The following RBFOX1 variants were observed in gnomAD, a reference collection of about 807,000 sequenced individuals.
The protein encoded by RBFOX1 is RNA binding fox-1 homolog 1.
A neutral mutation model predicts 57.7 loss-of-function variants in RBFOX1; 8 were observed. That is an observed-to-expected ratio of 0.14 (90% CI 0.08 to 0.25). The LOEUF (loss-of-function observed/expected upper bound fraction) is 0.25, where lower values mean the gene tolerates loss of function less well. Among genes scored for constraint, RBFOX1 ranks in the 10% least tolerant of loss-of-function variants. The pLI is 1.00. For missense variants in RBFOX1, 611 were observed against 548.5 expected (o/e 1.11, Z -1.14); for synonymous variants, 326 against 222.4 (o/e 1.47, Z -4.15).
chr16:7,285,598 A>G (rs1028161295), intron 4 of RBFOX1, among the ~76,000 whole-genome samples: 19 of 151,696 alleles, frequency 1.3e-4, no homozygotes, highest in Admixed American at 1.3e-4. Context: ...CTCTATTTAT[A>G]AGCTTGGACA....
At chr16:5,966,830 CA>C (rs2059853043) in intron 4 of RBFOX1, among the ~76,000 whole-genome samples, 1 of 152,024 alleles carries the variant, frequency 6.6e-6, no homozygotes, top group Admixed American at 6.6e-5. Flanking sequence ...AGATCCAAAC[CA>C]TATCAGCAGC....
intron 1 of RBFOX1, among the ~76,000 whole-genome samples, chr16:6,132,823 C>G (rs12930484): frequency 0.074 from 11,228 of 151,968 alleles, 489 homozygotes; most frequent in African/African-American, 0.1. Context: ...CCTGTCTCTA[C>G]TAAAAATACC....
At chr16:7,395,216 A>G (rs773599816) in intron 4 of RBFOX1, among the ~76,000 whole-genome samples, 2 of 150,872 alleles carry the variant, frequency 1.3e-5, no homozygotes, top group African/African-American at 4.9e-5. Context: ...ATCTATGTAG[A>G]TGCATTGTTC....
chr16:5,744,413 T>G (rs189063340), intron 3 of RBFOX1, among the ~76,000 whole-genome samples: 30 of 152,312 alleles, frequency 2.0e-4, no homozygotes, highest in Admixed American at 1.7e-3. Context: ...AGATTCTTCT[T>G]AGGCAGAATC....
chr16:5,647,905 C>T (rs926699066), intron 3 of RBFOX1, among the ~76,000 whole-genome samples: 1 of 152,044 alleles, frequency 6.6e-6, no homozygotes, highest in Non-Finnish European at 1.5e-5. Context: ...TGTCACTCAG[C>T]CTGAAGTGCA....
intron 4 of RBFOX1, among the ~76,000 whole-genome samples, chr16:7,375,320 A>G (rs1160049731): frequency 6.6e-6 from 1 of 152,190 alleles, no homozygotes; most frequent in Non-Finnish European, 1.5e-5. Flanking sequence ...AAGGTAATAC[A>G]AGTCTAATGT....
At chr16:6,123,724 G>A (rs2096568324) in intron 1 of RBFOX1, among the ~76,000 whole-genome samples, 1 of 152,054 alleles carries the variant, frequency 6.6e-6, no homozygotes, top group African/African-American at 2.4e-5. Context: ...GGGCAACATG[G>A]CAAAATCCCG....
chr16:5,373,389 T>C (rs1296800618), intron 1 of RBFOX1, among the ~76,000 whole-genome samples: 1 of 152,110 alleles, frequency 6.6e-6, no homozygotes, highest in African/African-American at 2.4e-5. Context: ...CTGGTGGATT[T>C]CCCCCTTGCT....
chr16:5,294,440 T>G (rs2063612362), intron 1 of RBFOX1, among the ~76,000 whole-genome samples: 1 of 152,134 alleles, frequency 6.6e-6, no homozygotes, highest in South Asian at 2.1e-4. Flanking sequence ...TTTTCTAGCC[T>G]GCCTATGCCT....
chr16:7,211,014 C>G (rs1258300343), intron 4 of RBFOX1, among the ~76,000 whole-genome samples: 1 of 151,210 alleles, frequency 6.6e-6, no homozygotes, highest in East Asian at 2.0e-4. Flanking sequence ...TACATAATCA[C>G]TTCACTCTGT....
At chr16:7,266,495 C>T (rs560921911) in intron 4 of RBFOX1, among the ~76,000 whole-genome samples, 1 of 152,280 alleles carries the variant, frequency 6.6e-6, no homozygotes, top group African/African-American at 2.4e-5. Context: ...ATAAATTACT[C>T]AGTCTCTGGT....
chr16:5,810,956 C>A (rs1433364819), intron 3 of RBFOX1, among the ~76,000 whole-genome samples: 1 of 152,062 alleles, frequency 6.6e-6, no homozygotes, highest in African/African-American at 2.4e-5. Context: ...ACTTGTGAAA[C>A]CATCACCACA....
At chr16:7,658,721 G>C (rs536161748) in intron 12 of RBFOX1, among the ~76,000 whole-genome samples, 6 of 152,220 alleles carry the variant, frequency 3.9e-5, no homozygotes, top group East Asian at 3.9e-4. Flanking sequence ...TGCTCTAATG[G>C]AGCATCACAT....
At chr16:6,804,380 A>T (rs1318551250) in intron 3 of RBFOX1, among the ~76,000 whole-genome samples, 2 of 152,062 alleles carry the variant, frequency 1.3e-5, no homozygotes, top group Non-Finnish European at 2.9e-5. Flanking sequence ...TTCTAATAGG[A>T]TCCCTAATGC....
At chr16:6,137,282 T>C (rs1426086606) in intron 1 of RBFOX1, among the ~76,000 whole-genome samples, 2 of 152,166 alleles carry the variant, frequency 1.3e-5, no homozygotes, top group South Asian at 4.1e-4. Context: ...TCTTAACATA[T>C]ATTATTTATC....
chr16:7,637,631 A>G (rs1295167377), intron 11 of RBFOX1, among the ~76,000 whole-genome samples: 1 of 152,180 alleles, frequency 6.6e-6, no homozygotes, highest in African/African-American at 2.4e-5. Context: ...GGACTCAGTT[A>G]CTAGAAAGGA....
At chr16:6,699,626 G>C (rs373514477) in intron 3 of RBFOX1, among the ~76,000 whole-genome samples, 3 of 152,294 alleles carry the variant, frequency 2.0e-5, no homozygotes, top group Non-Finnish European at 4.4e-5. Flanking sequence ...GAGTGTTTTT[G>C]TTGGCATGAA....
At chr16:5,421,695 G>A (rs931806926) in intron 1 of RBFOX1, among the ~76,000 whole-genome samples, 1 of 152,314 alleles carries the variant, frequency 6.6e-6, no homozygotes, top group Admixed American at 6.5e-5. Flanking sequence ...AGACATTTGA[G>A]TGGCAAAACA....
At chr16:5,924,145 C>T (rs2058893862) in intron 4 of RBFOX1, among the ~76,000 whole-genome samples, 1 of 152,114 alleles carries the variant, frequency 6.6e-6, no homozygotes, top group Admixed American at 6.5e-5. Flanking sequence ...AAGAAGGTGC[C>T]TGCTTCTCCT....
Sources: gnomAD v4.1 joint callset for allele counts (sites outside exome capture counted in the v4.1 genomes callset) on GRCh38, gnomAD v4.1.1 for gene constraint, MANE v1.5 for transcripts, NCBI Gene and HGNC (gene_info 2026-07-23, HGNC 2026-07-21) for gene names.